AGAP1: variants seen among roughly 807,000 people sequenced by gnomAD.
AGAP1 encodes arf-GAP with GTPase, ANK repeat and PH domain-containing protein 1.
AGAP1 carries 29 observed loss-of-function variants against 105.3 expected under a neutral mutation model. That is an observed-to-expected ratio of 0.28 (90% CI 0.21 to 0.38). AGAP1 has a LOEUF of 0.38. AGAP1 is among the 10% of genes least tolerant of loss of function. AGAP1 has a pLI of 1.00. For missense variants in AGAP1, 998 were observed against 1,165.1 expected, an observed-to-expected ratio of 0.86 and a Z score of 2.09; for synonymous variants, 509 against 485.9, an observed-to-expected ratio of 1.05 and a Z score of -0.63.
chr2:235,593,855 G>T (rs1411299280), intron 1 of AGAP1, among the ~76,000 whole-genome samples: 1 of 152,108 alleles, frequency 6.6e-6, no homozygotes, highest in Non-Finnish European at 1.5e-5. Flanking sequence ...TGTAGTCCCA[G>T]CTGCTTGGGA....
At chr2:235,699,772 G>A (rs923016629) in intron 1 of AGAP1, among the ~76,000 whole-genome samples, 2 of 152,210 alleles carry the variant, frequency 1.3e-5, no homozygotes, top group African/African-American at 2.4e-5. Context: ...CATTCGCAGT[G>A]GGGGTGTCTG....
At chr2:236,091,916 CTG>C (rs1054217027) in intron 16 of AGAP1, among the ~76,000 whole-genome samples, 21 of 152,316 alleles carry the variant, frequency 1.4e-4, no homozygotes, top group Middle Eastern at 3.4e-3. Flanking sequence ...ACCATCCACA[CTG>C]TGGAAAACTA....
intron 1 of AGAP1, among the ~76,000 whole-genome samples, chr2:235,666,733 A>G (rs1191162132): frequency 6.6e-6 from 1 of 151,560 alleles, no homozygotes; most frequent in Non-Finnish European, 1.5e-5. Flanking sequence ...TGGGAGACAC[A>G]AACAGTCCAG....
At chr2:235,527,697 C>T (rs1173600897) in intron 1 of AGAP1, among the ~76,000 whole-genome samples, 2 of 152,176 alleles carry the variant, frequency 1.3e-5, no homozygotes, top group Non-Finnish European at 1.5e-5. Flanking sequence ...CTACTTTAAA[C>T]ATCTATAATT....
chr2:235,809,826 C>A (rs1958035054), intron 9 of AGAP1, among the ~76,000 whole-genome samples: 1 of 152,124 alleles, frequency 6.6e-6, no homozygotes, highest in South Asian at 2.1e-4. Context: ...TGGCCATATT[C>A]TAGAAACTCA....
In AGAP1 at chr2:235,728,836, C is replaced by G. The variant is rs550883725; in HGVS notation, c.310+11192C>G. Among the ~76,000 whole-genome samples the G allele has an allele frequency of 6.6e-6, 1 of 152,210 alleles. No individual in the cohort carries two copies. Among genetic ancestry groups the G allele is most frequent in the African/African-American group, 2.4e-5 (1 of 41,530 alleles). ...CCAGCCTGCAGCATTGCCCTCTAGA[C>G]ACTAAGAAGAAGGGAGTAGGTTTAG... On this transcript the variant is annotated intron_variant, in intron 3 of 17. Coordinates refer to ENST00000304032, the MANE Select transcript of AGAP1 (RefSeq NM_001037131.3). The surrounding 1 kb of genome is among the most constrained non-coding windows in gnomAD (Gnocchi z 4.3).
chr2:235,766,445 T>G (rs1369012989), intron 6 of AGAP1, among the ~76,000 whole-genome samples: 4 of 152,192 alleles, frequency 2.6e-5, no homozygotes, highest in African/African-American at 9.7e-5. Context: ...AATGTTTTCC[T>G]TTTGCTGTCA....
chr2:235,524,566 G>C, intron 1 of AGAP1: 1 of 194,166 alleles, frequency 5.2e-6, no homozygotes, highest in South Asian at 7.9e-5. Context: ...CCCCACTACT[G>C]CCCGCCCACC....
intron 13 of AGAP1, among the ~76,000 whole-genome samples, chr2:235,985,332 G>T (rs1205641193): frequency 6.6e-6 from 1 of 152,194 alleles, no homozygotes; most frequent in African/African-American, 2.4e-5. Flanking sequence ...TAAGTTCTTT[G>T]TGGATTCTGG....
At position 235,740,917 on chromosome 2, in the gene AGAP1, A is replaced by T; in HGVS notation, c.311-46A>T. ...AAGCCCACGTCTGTCTGCCCTCCTC[A>T]CTCTCTGTTGTTCTCGTGTAACGAG... On this transcript the variant is annotated intron_variant, in intron 3 of 17. Transcript: ENST00000304032. This position sits in a 1 kb window ranked among gnomAD's most constrained non-coding sequence, Gnocchi z 5.7. 1.2e-6 allele frequency: 2 copies of T among 1,611,032 alleles called. No homozygotes were observed. Among genetic ancestry groups the T allele is most frequent in the Non-Finnish European group, 1.7e-6 (2 of 1,177,870 alleles).
At chr2:235,935,924 G>A (rs2052964826) in intron 12 of AGAP1, among the ~76,000 whole-genome samples, 1 of 152,146 alleles carries the variant, frequency 6.6e-6, no homozygotes, top group Non-Finnish European at 1.5e-5. Context: ...TGTCCTCAGG[G>A]CCAGAGTGCT....
At chr2:235,531,445 C>T (rs759211226) in intron 1 of AGAP1, among the ~76,000 whole-genome samples, 3 of 152,144 alleles carry the variant, frequency 2.0e-5, no homozygotes, top group African/African-American at 7.2e-5. Context: ...ATCTCTGCAT[C>T]GGTCTTCTCT....
chr2:235,662,528 T>A lies in AGAP1; in HGVS notation c.164-46651T>A, dbSNP rs1315596423. ...CATGGAAGTTGGTGATTTTTTTTTT[T>A]TTTTTTTTGGCTCTGTTGCCCAGGC... On this transcript the variant is annotated intron_variant, in intron 1 of 17. Coordinates refer to ENST00000304032, the MANE Select transcript of AGAP1 (RefSeq NM_001037131.3). The surrounding 1 kb of genome is among the most constrained non-coding windows in gnomAD (Gnocchi z 4.2). Among the ~76,000 whole-genome samples, 2 of 151,524 alleles carry A rather than the reference T, an allele frequency of 1.3e-5. No homozygotes were observed. Among genetic ancestry groups the A allele is most frequent in the Non-Finnish European group, 1.5e-5 (1 of 67,778 alleles).
chr2:235,876,112 C>T (rs914941582), intron 9 of AGAP1, among the ~76,000 whole-genome samples: 2 of 152,200 alleles, frequency 1.3e-5, no homozygotes, highest in Non-Finnish European at 2.9e-5. Flanking sequence ...TAGAGGTGTG[C>T]ATTGCCTTCT....
At chr2:235,907,810 A>G (rs1176528619) in intron 10 of AGAP1, among the ~76,000 whole-genome samples, 1 of 152,118 alleles carries the variant, frequency 6.6e-6, no homozygotes, top group Non-Finnish European at 1.5e-5. Flanking sequence ...TGTAAATGCA[A>G]TATTTTCTTA....
rs960228576 is a variant in AGAP1 at position 235,891,606 on chromosome 2, C to T, written c.1155+8157C>T. Among the ~76,000 whole-genome samples, 1 of 152,198 alleles carries T rather than the reference C, an allele frequency of 6.6e-6. No homozygotes were observed. The highest frequency in any genetic ancestry group is 1.5e-5 in the Non-Finnish European group (1 of 68,038). On this transcript the variant is annotated intron_variant, in intron 10 of 17. Coordinates refer to ENST00000304032, the MANE Select transcript of AGAP1 (RefSeq NM_001037131.3). The surrounding 1 kb of genome is among the most constrained non-coding windows in gnomAD (Gnocchi z 4.2). ...CTATTCATCTTCCATGTCGCAAGCA[C>T]GGCCGTCGAGTGCAAGGCTGCAATT... is the stretch of plus-strand genomic sequence containing the variant.
chr2:236,107,626 G>C lies in AGAP1; in HGVS notation c.2115-12566G>C, dbSNP rs199562540. Among the ~76,000 whole-genome samples, 4 of 152,172 alleles carry C rather than the reference G, an allele frequency of 2.6e-5. No homozygotes were observed. In the East Asian group the frequency reaches 7.7e-4, roughly 29 times the overall value. On this transcript the variant is annotated intron_variant, in intron 16 of 17. Transcript: ENST00000304032. ...ACCCGAACCTCAGGCGAAGGTTTGG[G>C]GACAAGACTAAGCTCAGCTCCCAGT...
chr2:235,513,696 A>T (rs1942252453), intron 1 of AGAP1, among the ~76,000 whole-genome samples: 1 of 152,064 alleles, frequency 6.6e-6, no homozygotes, highest in Admixed American at 6.6e-5. Flanking sequence ...GGCACTCCCA[A>T]TCCAGGTGCC....
rs1293232176 is a variant in AGAP1 at position 235,874,852 on chromosome 2, T to C, written c.1051-8493T>C. Among the ~76,000 whole-genome samples the C allele has an allele frequency of 3.9e-5, 6 of 152,178 alleles. No individual in the cohort carries two copies. Among genetic ancestry groups the C allele is most frequent in the Non-Finnish European group, 8.8e-5 (6 of 68,024 alleles). ...GTGTGCTCTTGCACACGCTCATGGA[T>C]CAAGGCAGAGGATGAGTTTAAAAAC... On this transcript the variant is annotated intron_variant, in intron 9 of 17. Coordinates refer to ENST00000304032, the MANE Select transcript of AGAP1 (RefSeq NM_001037131.3). The surrounding 1 kb of genome is among the most constrained non-coding windows in gnomAD (Gnocchi z 4.5).
Sources: gnomAD v4.1 joint callset for allele counts (sites outside exome capture counted in the v4.1 genomes callset) on GRCh38, gnomAD v4.1.1 for gene constraint, Gnocchi (gnomAD v3.1) non-coding constraint, MANE v1.5 for transcripts, NCBI Gene and HGNC (gene_info 2026-07-23, HGNC 2026-07-21) for gene names.